The following PLCH1 variants were observed in gnomAD, a reference collection of about 807,000 sequenced individuals.
PLCH1 encodes 1-phosphatidylinositol 4,5-bisphosphate phosphodiesterase eta-1.
In PLCH1, 60 loss-of-function variants were observed where a neutral mutation model predicts 126.7. That is an observed-to-expected ratio of 0.47 (90% CI 0.38 to 0.59). The LOEUF (loss-of-function observed/expected upper bound fraction) is 0.59. PLCH1 is among the 20% of genes least tolerant of loss of function. The pLI, the probability that PLCH1 is intolerant of heterozygous loss-of-function variation, is 0.00. For synonymous variants in PLCH1, 719 were observed against 734.9 expected (o/e 0.98, Z 0.35); for missense variants, 1,723 against 2,040.0 (o/e 0.84, Z 2.99).
At chr3:155,574,035 TC>T (rs1729605748) in intron 6 of PLCH1, among the ~76,000 whole-genome samples, 1 of 152,096 alleles carries the variant, frequency 6.6e-6, no homozygotes, top group Non-Finnish European at 1.5e-5. Flanking sequence ...TGCCTCAGCC[TC>T]CCGAGTAGCT....
intron 17 of PLCH1, among the ~76,000 whole-genome samples, chr3:155,493,796 C>T (rs1211951023): frequency 1.3e-5 from 2 of 152,170 alleles, no homozygotes; most frequent in African/African-American, 4.8e-5. Flanking sequence ...CACAGACTCA[C>T]ATTACTTAAG....
At chr3:155,605,820 T>C (rs755439530) in intron 2 of PLCH1, among the ~76,000 whole-genome samples, 7 of 152,208 alleles carry the variant, frequency 4.6e-5, no homozygotes, top group Non-Finnish European at 8.8e-5. Flanking sequence ...TGTGTTGAAT[T>C]TTCCCTTCTC....
chr3:155,630,227 A>G (rs761954914), intron 2 of PLCH1, among the ~76,000 whole-genome samples: 1 of 152,226 alleles, frequency 6.6e-6, no homozygotes, highest in Admixed American at 6.5e-5. Context: ...AAAATTAAAG[A>G]GTATTTTAAG....
intron 2 of PLCH1, among the ~76,000 whole-genome samples, chr3:155,603,943 T>A (rs554417504): frequency 6.6e-6 from 1 of 151,986 alleles, no homozygotes; most frequent in Non-Finnish European, 1.5e-5. Flanking sequence ...ACAAAAAATT[T>A]AAAAAATTAA....
At chr3:155,693,650 C>G (rs1745580651) in intron 2 of PLCH1, among the ~76,000 whole-genome samples, 1 of 152,134 alleles carries the variant, frequency 6.6e-6, no homozygotes. Context: ...ACAGCAGCGG[C>G]TGGATGTGGT....
intron 10 of PLCH1, among the ~76,000 whole-genome samples, chr3:155,532,275 C>A (rs1722801753): frequency 1.3e-5 from 2 of 152,128 alleles, no homozygotes; most frequent in African/African-American, 4.8e-5. Flanking sequence ...CAGGAACATA[C>A]CAGGAAAACC....
At chr3:155,533,784 T>C (rs1302922044) in intron 10 of PLCH1, among the ~76,000 whole-genome samples, 2 of 152,218 alleles carry the variant, frequency 1.3e-5, no homozygotes, top group Non-Finnish European at 2.9e-5. Context: ...TGTGCAGCCT[T>C]GGGACTTGGT....
chr3:155,513,853 G>A (rs1175174369), intron 12 of PLCH1, among the ~76,000 whole-genome samples: 2 of 152,128 alleles, frequency 1.3e-5, no homozygotes, highest in Non-Finnish European at 2.9e-5. Flanking sequence ...GTTTCAGGAA[G>A]GACACTTACC....
chr3:155,497,347 C>T lies in PLCH1; in HGVS notation c.1867G>A (p.Val623Met), dbSNP rs778073892. The part of the protein sequence containing the change: ...LSDLVVYTNS[V>M]AAQDIVDDGT... Reference sequence around the variant, plus strand: ...TCATCCACAATGTCCTGAGCGGCCACGGAGTTTGTGTACACAACCAAATCA... The same window carrying T: ...TCATCCACAATGTCCTGAGCGGCCATGGAGTTTGTGTACACAACCAAATCA... Residue 623 changes from valine to methionine, a missense_variant, in exon 15 of 23, where the codon GTG (valine) becomes ATG (methionine). Coordinates refer to ENST00000460012, the MANE Select transcript of PLCH1 (RefSeq NM_014996.4). The T allele has an allele frequency of 4.3e-6, 7 of 1,613,070 alleles. No individual in the cohort carries two copies. Among genetic ancestry groups the T allele is most frequent in the East Asian group, 4.5e-5 (2 of 44,898 alleles).
intron 1 of PLCH1, among the ~76,000 whole-genome samples, chr3:155,709,279 C>T (rs1746916296): frequency 6.6e-6 from 1 of 152,172 alleles, no homozygotes; most frequent in Non-Finnish European, 1.5e-5. Flanking sequence ...AAGTTTTTAA[C>T]TCATTTGGGT....
chr3:155,479,677 A>G (rs1713722311), downstream of PLCH1, among the ~76,000 whole-genome samples: 1 of 152,126 alleles, frequency 6.6e-6, no homozygotes, highest in Non-Finnish European at 1.5e-5. Context: ...GAAACTCATT[A>G]CATTTGATTT....
chr3:155,500,681 A>C, intron 14 of PLCH1, 22 bp downstream of exon 14: 1 of 1,488,782 alleles, frequency 6.7e-7, no homozygotes, highest in East Asian at 2.3e-5. Flanking sequence ...TGTGAGTAGG[A>C]AACATGGAGA....
chr3:155,722,619 A>G (rs1748037596), intron 1 of PLCH1, among the ~76,000 whole-genome samples: 2 of 152,188 alleles, frequency 1.3e-5, no homozygotes, highest in South Asian at 4.1e-4. Context: ...GTGGTGTATC[A>G]TATTCATTGA....
At chr3:155,544,620 T>A (rs1382435514) in intron 10 of PLCH1, among the ~76,000 whole-genome samples, 2 of 152,146 alleles carry the variant, frequency 1.3e-5, no homozygotes, top group African/African-American at 4.8e-5. Flanking sequence ...ATTCCAAAAT[T>A]GACCACATAC....
At chr3:155,741,682 C>CTTTTTTTTTTTTT (rs1491132149) in intron 1 of PLCH1, among the ~76,000 whole-genome samples, 1 of 83,088 alleles carries the variant, frequency 1.2e-5, no homozygotes, top group African/African-American at 1.0e-4. Flanking sequence ...ATTTTATATC[C>CTTTTTTTTTTTTT]TCTTTTTTTT....
chr3:155,684,919 CT>C (rs1295831440), intron 2 of PLCH1, among the ~76,000 whole-genome samples: 5 of 152,270 alleles, frequency 3.3e-5, no homozygotes, highest in East Asian at 1.9e-4. Context: ...TTATTTCCCC[CT>C]AACAGTACTG....
At chr3:155,620,944 T>C (rs1417206339) in intron 2 of PLCH1, among the ~76,000 whole-genome samples, 1 of 152,186 alleles carries the variant, frequency 6.6e-6, no homozygotes, top group African/African-American at 2.4e-5. Flanking sequence ...AGTGGGTCCC[T>C]GACCCCCATG....
chr3:155,546,493 C>G (rs1439250563), intron 10 of PLCH1, among the ~76,000 whole-genome samples: 1 of 152,096 alleles, frequency 6.6e-6, no homozygotes, highest in Admixed American at 6.6e-5. Flanking sequence ...AATGCCATCC[C>G]CATCAAGCTA....
intron 14 of PLCH1, among the ~76,000 whole-genome samples, chr3:155,499,838 C>T (rs1367144576): frequency 6.6e-6 from 1 of 152,068 alleles, no homozygotes; most frequent in African/African-American, 2.4e-5. Flanking sequence ...TTTTCTGTTC[C>T]CTAGAGTAGG....
Sources: allele counts gnomAD v4.1 joint callset (sites outside exome capture counted in the v4.1 genomes callset), GRCh38; gene constraint gnomAD v4.1.1; transcripts MANE v1.5; gene names NCBI Gene and HGNC (gene_info 2026-07-23, HGNC 2026-07-21).